Variants in UBXN8 observed in about 807,000 individuals in gnomAD.
The protein encoded by UBXN8 is UBX domain protein 8.
In UBXN8, 27 loss-of-function variants were observed where a neutral mutation model predicts 32.1. That is an observed-to-expected ratio of 0.84 (90% CI 0.62 to 1.16). The LOEUF is 1.16. Among genes scored for constraint, UBXN8 ranks in the 50% most tolerant of loss-of-function variants. The pLI, the probability that UBXN8 is intolerant of heterozygous loss-of-function variation, is 0.00. For synonymous variants in UBXN8, 109 were observed against 111.8 expected (o/e 0.98, Z 0.16); for missense variants, 306 against 311.4 (o/e 0.98, Z 0.13).
chr8:30,742,261 A>C (rs1233524876), upstream of UBXN8, among the ~76,000 whole-genome samples: 11 of 152,190 alleles, frequency 7.2e-5, no homozygotes. Flanking sequence ...AATATTTTGC[A>C]CCTTTGCTTG....
At chr8:30,760,443 A>ATTTTTTTTTTTTTTTT (rs199634258) in intron 5 of UBXN8, among the ~76,000 whole-genome samples, 1 of 91,118 alleles carries the variant, frequency 1.1e-5, no homozygotes, top group Non-Finnish European at 2.0e-5. Context: ...ATATATATAT[A>ATTTTTTTTTTTTTTTT]TTTTTTTTTT....
upstream of UBXN8, chr8:30,744,074 T>C (rs1805284093): frequency 3.5e-6 from 3 of 865,608 alleles, no homozygotes; most frequent in South Asian, 1.5e-5. Flanking sequence ...CGTCAGTATT[T>C]ACCACGTTAT....
At chr8:30,747,501 G>T (rs557435794) in intron 1 of UBXN8, among the ~76,000 whole-genome samples, 5 of 139,564 alleles carry the variant, frequency 3.6e-5, no homozygotes, top group Non-Finnish European at 6.2e-5. Flanking sequence ...AGTAGAGACG[G>T]GGTTTCACCA....
At chr8:30,763,788 C>T (rs2978307) in intron 7 of UBXN8, among the ~76,000 whole-genome samples, 3 of 152,038 alleles carry the variant, frequency 2.0e-5, no homozygotes, top group South Asian at 2.1e-4. Context: ...GTCAGGAGTT[C>T]GAGGCCAGCC....
chr8:30,758,876 TTTTTGTTTG>T lies in UBXN8; in HGVS notation c.528+1994_529-1999del, dbSNP rs1563564521. On this transcript the variant is annotated intron_variant, in intron 5 of 7. Transcript: ENST00000265616. ...ATGAAGTCATTGGTAACAAATGTTT[TTTTTGTTTG>T]TTTTTTTTGTTTTTTTTTTTTTTTT... is the stretch of plus-strand genomic sequence containing the variant. Among the ~76,000 whole-genome samples, 429 of 126,422 alleles carry T rather than the reference TTTTTGTTTG, an allele frequency of 3.4e-3. 41 individuals carry two copies. Among genetic ancestry groups the T allele is most frequent in the African/African-American group, 7.3e-3 (238 of 32,630 alleles). The allele number at this position is 126,422 out of a possible 152,430, so 82.9% of individuals were successfully genotyped here.
intron 1 of UBXN8, among the ~76,000 whole-genome samples, chr8:30,748,132 CT>C (rs1047300119): frequency 9.3e-4 from 134 of 143,400 alleles, no homozygotes; most frequent in African/African-American, 1.8e-3. Context: ...AATTTTTTTT[CT>C]TTTTTTTTTT....
intron 1 of UBXN8, among the ~76,000 whole-genome samples, chr8:30,748,833 G>T (rs148271153): frequency 6.6e-6 from 1 of 152,152 alleles, no homozygotes; most frequent in South Asian, 2.1e-4. Flanking sequence ...GAGCCATCTC[G>T]CCCGGCCTAT....
At chr8:30,746,515 A>ATTTTTTTTTTTTTT (rs58215831) in intron 1 of UBXN8, among the ~76,000 whole-genome samples, 1 of 121,400 alleles carries the variant, frequency 8.2e-6, no homozygotes. Context: ...CTTAAGCTAG[A>ATTTTTTTTTTTTTT]TTTTTTTTTT....
At chr8:30,739,138 TGAG>T (rs1179874138) in intron 1 of UBXN8, among the ~76,000 whole-genome samples, 1 of 150,064 alleles carries the variant, frequency 6.7e-6, no homozygotes, top group Non-Finnish European at 1.5e-5. Context: ...GGGTAGAAAG[TGAG>T]GTGGTTTGGC....
At chr8:30,736,587 T>C (rs59061222) in intron 1 of UBXN8, among the ~76,000 whole-genome samples, 37,786 of 151,992 alleles carry the variant, frequency 0.25, 5,338 homozygotes, top group African/African-American at 0.39. Flanking sequence ...ATTCTCCTGC[T>C]TCAGCCTCCT....
chr8:30,765,077 A>AT (rs1358985497), intron 7 of UBXN8, among the ~76,000 whole-genome samples: 1 of 151,860 alleles, frequency 6.6e-6, no homozygotes, highest in Admixed American at 6.6e-5. Context: ...AACCTTTAAT[A>AT]TTTTTTATTT....
upstream of UBXN8, among the ~76,000 whole-genome samples, chr8:30,740,830 A>G (rs562226372): frequency 3.3e-5 from 5 of 152,320 alleles, no homozygotes; most frequent in South Asian, 1.0e-3. Flanking sequence ...ACTCACGAAG[A>G]TAGGCTATAG....
intron 1 of UBXN8, among the ~76,000 whole-genome samples, chr8:30,738,381 C>T (rs192387484): frequency 2.1e-4 from 32 of 152,044 alleles, no homozygotes; most frequent in Admixed American, 1.5e-3. Flanking sequence ...ATAATAAAGG[C>T]CGTGTGCGGT....
At chr8:30,766,049 T>C (rs954242376) in intron 7 of UBXN8, among the ~76,000 whole-genome samples, 178 bp from the exon 8 acceptor site, 7 of 151,478 alleles carry the variant, frequency 4.6e-5, no homozygotes, top group Admixed American at 3.3e-4. Context: ...TCTGAACTCA[T>C]GGCAAGCTAT....
chr8:30,756,316 T>A (rs1311674505), intron 4 of UBXN8: 1 of 156,634 alleles, frequency 6.4e-6, no homozygotes, highest in Non-Finnish European at 1.4e-5. Flanking sequence ...AATTTTTGTA[T>A]GTCTTTTTAG....
At chr8:30,762,218 C>A (rs956596944) in intron 6 of UBXN8, among the ~76,000 whole-genome samples, 6 of 151,898 alleles carry the variant, frequency 4.0e-5, no homozygotes, top group African/African-American at 1.5e-4. Context: ...CATGTGCCAC[C>A]AGCCCTGACT....
upstream of UBXN8, among the ~76,000 whole-genome samples, chr8:30,729,252 C>T (rs570317194): frequency 1.3e-5 from 2 of 152,316 alleles, no homozygotes; most frequent in African/African-American, 4.8e-5. Context: ...AACGCCTAGT[C>T]AGAGCAGTGC....
At chr8:30,745,877 A>G (rs1385254377) in intron 1 of UBXN8, among the ~76,000 whole-genome samples, 1 of 152,208 alleles carries the variant, frequency 6.6e-6, no homozygotes, top group African/African-American at 2.4e-5. Flanking sequence ...CCTTCTGAGT[A>G]GCTAGGAATA....
chr8:30,746,785 A>G (rs1431370744), intron 1 of UBXN8, among the ~76,000 whole-genome samples: 2 of 138,492 alleles, frequency 1.4e-5, no homozygotes, highest in Non-Finnish European at 3.1e-5. Context: ...CGGCCTCCCA[A>G]AGTGCTGGGA....
Sources: gnomAD v4.1 joint callset for allele counts (sites outside exome capture counted in the v4.1 genomes callset) on GRCh38, gnomAD v4.1.1 for gene constraint, MANE v1.5 for transcripts, NCBI Gene and HGNC (gene_info 2026-07-23, HGNC 2026-07-21) for gene names.